The following ZNF469 variants were observed in gnomAD, a reference collection of about 807,000 sequenced individuals.
ZNF469 encodes the protein zinc finger protein 469.
A neutral mutation model predicts 1.0 loss-of-function variants in ZNF469; 1 was observed. The observed-to-expected ratio is 1.00, with a 90% confidence interval of 0.35 to 4.73. The LOEUF is 4.73. Among genes scored for constraint, ZNF469 ranks in the 30% most tolerant of loss-of-function variants. The probability of loss-of-function intolerance (pLI) is 0.16; values close to 1 mark genes in which losing one functional copy is unlikely to be tolerated. For synonymous variants in ZNF469, 2,703 were observed against 2,363.4 expected, an observed-to-expected ratio of 1.14 and a Z score of -4.17; for missense variants, 6,100 against 5,356.3, an observed-to-expected ratio of 1.14 and a Z score of -4.33.
chr16:88,376,973 T>C, the ZNF469 span, among the ~76,000 whole-genome samples: 1 of 152,214 alleles, frequency 6.6e-6, no homozygotes, highest in East Asian at 1.9e-4. Context: ...CTCTGCCCGC[T>C]CATGCCGCCG....
At chr16:88,336,352 T>A in the ZNF469 span, among the ~76,000 whole-genome samples, 3 of 151,014 alleles carry the variant, frequency 2.0e-5, no homozygotes, top group Admixed American at 6.6e-5. Flanking sequence ...ACCACACATG[T>A]TCATCCTTCA....
the ZNF469 span, among the ~76,000 whole-genome samples, chr16:88,356,318 G>A: frequency 5.3e-5 from 8 of 152,142 alleles, no homozygotes; most frequent in African/African-American, 9.7e-5. Context: ...GCTGTGAGCC[G>A]CCTGGTTTCA....
chr16:88,145,116 G>T, the ZNF469 span, among the ~76,000 whole-genome samples: 1 of 151,598 alleles, frequency 6.6e-6, no homozygotes, highest in African/African-American at 2.4e-5. Flanking sequence ...TCCCAAACAG[G>T]CATGAGCCAC....
Position 88,434,052 on chromosome 16 carries a change from G to A in ZNF469, c.6582G>A (p.Val2194=). ...TTDTGAEDSP[V]APPSLTTSPC... ...ATACTGGGGCTGAGGATTCCCCGGTGGCTCCCCCGTCTTTGACAACAAGCC... is the reference window on the plus strand; with the variant it reads ...ATACTGGGGCTGAGGATTCCCCGGTAGCTCCCCCGTCTTTGACAACAAGCC... The change falls in exon 3 of 3, where the codon GTG becomes GTA. Residue 2194 remains valine (V), a synonymous_variant. Transcript: ENST00000565624. 16 of 1,550,286 alleles carry A rather than the reference G, an allele frequency of 1.0e-5. No individual in the cohort carries two copies. The highest frequency in any genetic ancestry group is 1.4e-5 in the Non-Finnish European group (16 of 1,146,892).
the ZNF469 span, among the ~76,000 whole-genome samples, chr16:88,166,802 A>AC: frequency 2.6e-5 from 1 of 38,766 alleles, no homozygotes; most frequent in African/African-American, 8.6e-5. This position sits in a 1 kb window ranked among gnomAD's most constrained non-coding sequence, Gnocchi z 4.5. Context: ...CACACACACA[A>AC]ATACATATAA....
chr16:88,401,715 ATGGATGGG>A (rs144010934), intron 1 of ZNF469, among the ~76,000 whole-genome samples: 65,027 of 135,268 alleles, frequency 0.48, 11,012 homozygotes, highest in African/African-American at 0.5. Context: ...ATATGGGTAG[ATGGATGGG>A]TGGATGGGTG....
the ZNF469 span, among the ~76,000 whole-genome samples, chr16:88,345,119 AG>A: frequency 2.6e-5 from 4 of 152,178 alleles, no homozygotes; most frequent in African/African-American, 9.7e-5. Context: ...GTGGATCCCG[AG>A]GTCATAGGGC....
the ZNF469 span, among the ~76,000 whole-genome samples, chr16:88,111,065 C>T: frequency 6.6e-6 from 1 of 152,232 alleles, no homozygotes; most frequent in African/African-American, 2.4e-5. Flanking sequence ...TCTTCAGCCC[C>T]CAGGCACCTG....
the ZNF469 span, among the ~76,000 whole-genome samples, chr16:88,115,364 C>G: frequency 7.9e-5 from 12 of 151,956 alleles, no homozygotes; most frequent in Admixed American, 2.6e-4. Flanking sequence ...ATGTGTGACG[C>G]TCATATGTCC....
the ZNF469 span, among the ~76,000 whole-genome samples, chr16:88,283,679 T>G: frequency 0.4 from 60,499 of 152,148 alleles, 12,982 homozygotes; most frequent in East Asian, 0.59. Context: ...TGTGAGGAGT[T>G]GGAGCGGATT....
chr16:88,117,011 G>A, the ZNF469 span, among the ~76,000 whole-genome samples: 4 of 152,162 alleles, frequency 2.6e-5, no homozygotes, highest in East Asian at 1.9e-4. Context: ...GCAGAGCTAC[G>A]AGAATCTGAA....
At chr16:88,328,085 A>G in the ZNF469 span, among the ~76,000 whole-genome samples, 1 of 152,172 alleles carries the variant, frequency 6.6e-6, no homozygotes, top group African/African-American at 2.4e-5. Flanking sequence ...CATGGGAGCC[A>G]CGGTCCTAAA....
the ZNF469 span, among the ~76,000 whole-genome samples, chr16:88,214,996 G>A: frequency 4.5e-3 from 690 of 152,094 alleles, 4 homozygotes; most frequent in African/African-American, 0.016. Flanking sequence ...GATGCTCCTC[G>A]CTTTATAGCT....
chr16:88,249,085 C>T, the ZNF469 span, among the ~76,000 whole-genome samples: 19 of 152,126 alleles, frequency 1.2e-4, 1 homozygote, highest in Non-Finnish European at 2.6e-4. Context: ...ACATCCATTG[C>T]TGATGCCCCA....
the ZNF469 span, among the ~76,000 whole-genome samples, chr16:88,344,863 G>A: frequency 4.3e-4 from 66 of 152,330 alleles, no homozygotes; most frequent in African/African-American, 1.5e-3. Context: ...TGGGTCCCGC[G>A]TGTCGAACCC....
the ZNF469 span, among the ~76,000 whole-genome samples, chr16:88,257,259 C>T: frequency 6.6e-6 from 1 of 152,038 alleles, no homozygotes; most frequent in Admixed American, 6.5e-5. Flanking sequence ...CCACCGTGCC[C>T]AGCCGGGAGC....
chr16:88,330,441 G>A, the ZNF469 span, among the ~76,000 whole-genome samples: 1 of 152,228 alleles, frequency 6.6e-6, no homozygotes, highest in Non-Finnish European at 1.5e-5. Context: ...AGCGGAGTGG[G>A]TTTGCTTCTC....
the ZNF469 span, among the ~76,000 whole-genome samples, chr16:88,145,962 G>A: frequency 2.5e-3 from 381 of 152,364 alleles, 3 homozygotes; most frequent in African/African-American, 8.8e-3. Context: ...AATTTTCCCA[G>A]CCGGCCTCGC....
At chr16:88,380,623 A>G (rs961477066), upstream of ZNF469, among the ~76,000 whole-genome samples, 1 of 145,998 alleles carries the variant, frequency 6.8e-6, no homozygotes, top group African/African-American at 2.6e-5. Context: ...ACACACCCAG[A>G]CATGCGCTCA....
Sources: allele counts gnomAD v4.1 joint callset (sites outside exome capture counted in the v4.1 genomes callset), GRCh38; gene constraint gnomAD v4.1.1; non-coding constraint Gnocchi (gnomAD v3.1); transcripts MANE v1.5; gene names NCBI Gene and HGNC (gene_info 2026-07-23, HGNC 2026-07-21).